Variants in CNTNAP2 observed in about 807,000 individuals in gnomAD.
CNTNAP2 encodes the protein contactin-associated protein-like 2.
Under a neutral mutation model 155.2 loss-of-function variants are expected in CNTNAP2, and 98 were observed. The observed-to-expected ratio is 0.63, with a 90% CI of 0.54 to 0.75. CNTNAP2 has a LOEUF of 0.75. Among genes scored for constraint, CNTNAP2 ranks in the 30% least tolerant of loss-of-function variants. CNTNAP2 has a pLI of 0.00. For synonymous variants in CNTNAP2, 651 were observed against 631.2 expected (o/e 1.03, Z -0.47); for missense variants, 1,727 against 1,688.1 (o/e 1.02, Z -0.40).
At chr7:147,738,150 A>G (rs1204002093) in intron 13 of CNTNAP2, among the ~76,000 whole-genome samples, 2 of 152,202 alleles carry the variant, frequency 1.3e-5, no homozygotes, top group African/African-American at 2.4e-5. Flanking sequence ...CTATTCAGCC[A>G]TCTTGGAATC....
rs117054925 is a variant in CNTNAP2 at position 147,816,266 on chromosome 7, C to T, written c.2099-87299C>T. 7.6e-3 allele frequency among the ~76,000 whole-genome samples: 1,162 copies of T among 152,182 alleles called. 6 individuals are homozygous for T. Among genetic ancestry groups the T allele is most frequent in the Admixed American group, 0.019 (292 of 15,284 alleles). ...GAGAGGCTCCAGTACACAGGTGTTA[C>T]TGAGCTGGAGGGCTTGAGAGAGGGG... On this transcript the variant is annotated intron_variant, in intron 13 of 23. Transcript: ENST00000361727.
At chr7:146,420,118 G>A (rs1443273620) in intron 1 of CNTNAP2, among the ~76,000 whole-genome samples, 1 of 152,068 alleles carries the variant, frequency 6.6e-6, no homozygotes, top group Non-Finnish European at 1.5e-5. Context: ...AGAGGCATCT[G>A]AGAAATATTT....
intron 1 of CNTNAP2, among the ~76,000 whole-genome samples, chr7:146,634,205 T>G (rs965551097): frequency 2.6e-5 from 4 of 152,228 alleles, no homozygotes; most frequent in Non-Finnish European, 4.4e-5. Context: ...AGTGTGGCTA[T>G]TCTTTTGTAA....
chr7:147,305,955 T>A (rs1795017991), intron 9 of CNTNAP2, among the ~76,000 whole-genome samples: 1 of 152,160 alleles, frequency 6.6e-6, no homozygotes, highest in African/African-American at 2.4e-5. Flanking sequence ...TCTGCCTCCA[T>A]CTTCACATAG....
intron 12 of CNTNAP2, among the ~76,000 whole-genome samples, chr7:147,607,213 C>T (rs1169960597): frequency 2.0e-5 from 3 of 151,696 alleles, no homozygotes; most frequent in Non-Finnish European, 4.4e-5. Flanking sequence ...AATTTTCTTC[C>T]AAGGGAAGTT....
chr7:147,053,185 G>T (rs1034984110), intron 4 of CNTNAP2, among the ~76,000 whole-genome samples: 1 of 152,008 alleles, frequency 6.6e-6, no homozygotes, highest in African/African-American at 2.4e-5. Flanking sequence ...TTTTGCAGGG[G>T]TTGGCTAAGG....
At chr7:147,933,662 C>T (rs1307935053) in intron 14 of CNTNAP2, among the ~76,000 whole-genome samples, 7 of 152,018 alleles carry the variant, frequency 4.6e-5, no homozygotes, top group Non-Finnish European at 7.4e-5. Flanking sequence ...GTCAGGTGTT[C>T]GGGACCAGCC....
chr7:146,587,033 A>ATTT (rs34866879), intron 1 of CNTNAP2, among the ~76,000 whole-genome samples: 1 of 148,458 alleles, frequency 6.7e-6, no homozygotes, highest in Admixed American at 6.8e-5. Flanking sequence ...GCATTGTTTT[A>ATTT]TTTTTTTTTT....
chr7:147,210,241 G>A (rs917302379), intron 8 of CNTNAP2, among the ~76,000 whole-genome samples: 6 of 151,954 alleles, frequency 3.9e-5, no homozygotes, highest in African/African-American at 1.4e-4. Flanking sequence ...TTATTGGTTA[G>A]TAGGCTTTTT....
At chr7:147,850,785 A>C (rs1002949179) in intron 13 of CNTNAP2, among the ~76,000 whole-genome samples, 1 of 152,220 alleles carries the variant, frequency 6.6e-6, no homozygotes, top group African/African-American at 2.4e-5. Flanking sequence ...GATGGATTAA[A>C]GACTTAAATG....
chr7:146,873,701 T>C (rs1246815411), intron 3 of CNTNAP2, among the ~76,000 whole-genome samples: 2 of 152,038 alleles, frequency 1.3e-5, no homozygotes, highest in Non-Finnish European at 2.9e-5. Context: ...ACAAGATGTT[T>C]CCTATTTCTG....
intron 13 of CNTNAP2, among the ~76,000 whole-genome samples, chr7:147,845,704 A>G (rs1798818299): frequency 1.5e-3 from 1 of 668 alleles, no homozygotes; most frequent in Non-Finnish European, 2.4e-3. Flanking sequence ...TCAATTTTGG[A>G]TCTTTCCTGC....
intron 14 of CNTNAP2, among the ~76,000 whole-genome samples, chr7:147,953,018 G>T (rs1183594119): frequency 6.6e-6 from 1 of 152,206 alleles, no homozygotes; most frequent in Non-Finnish European, 1.5e-5. Flanking sequence ...TGTCTTCTAA[G>T]TTCTGGCGTA....
At chr7:147,521,709 G>A (rs1250250519) in intron 11 of CNTNAP2, among the ~76,000 whole-genome samples, 2 of 152,160 alleles carry the variant, frequency 1.3e-5, no homozygotes, top group Admixed American at 6.5e-5. Context: ...TGGGGGTCAG[G>A]GTGGGAGTAG....
At chr7:148,015,130 T>A (rs1238218665) in intron 15 of CNTNAP2, among the ~76,000 whole-genome samples, 1 of 152,218 alleles carries the variant, frequency 6.6e-6, no homozygotes, top group East Asian at 1.9e-4. Flanking sequence ...GCTGTCAATG[T>A]ATCTGATGGA....
At chr7:146,435,416 G>T (rs1522225) in intron 1 of CNTNAP2, among the ~76,000 whole-genome samples, 5,426 of 152,190 alleles carry the variant, frequency 0.036, 344 homozygotes, top group African/African-American at 0.12. Flanking sequence ...TCAGTTCTGC[G>T]TCTTGTGACT....
At chr7:147,346,585 C>T (rs1440266844) in intron 9 of CNTNAP2, among the ~76,000 whole-genome samples, 1 of 152,202 alleles carries the variant, frequency 6.6e-6, no homozygotes, top group South Asian at 2.1e-4. Context: ...TGAAAACTTA[C>T]ATGCAAATGA....
intron 10 of CNTNAP2, among the ~76,000 whole-genome samples, chr7:147,471,224 T>C (rs551199069): frequency 1.3e-5 from 2 of 152,294 alleles, no homozygotes; most frequent in Admixed American, 1.3e-4. Flanking sequence ...TAGCATCACC[T>C]TGCACTCTTG....
chr7:148,365,591 G>C (rs1162183195), intron 21 of CNTNAP2, among the ~76,000 whole-genome samples: 1 of 152,138 alleles, frequency 6.6e-6, no homozygotes, highest in East Asian at 1.9e-4. Flanking sequence ...CTTGAACCTG[G>C]GAGGCAGAGG....
Sources: allele counts gnomAD v4.1 joint callset (sites outside exome capture counted in the v4.1 genomes callset), GRCh38; gene constraint gnomAD v4.1.1; transcripts MANE v1.5; gene names NCBI Gene and HGNC (gene_info 2026-07-23, HGNC 2026-07-21).